The following EPHA6 variants were observed in gnomAD, a reference collection of about 807,000 sequenced individuals.
EPHA6 encodes the protein EPH receptor A6.
In EPHA6, 50 loss-of-function variants were observed where a neutral mutation model predicts 112.0. That is an observed-to-expected ratio of 0.45 (90% CI 0.36 to 0.56). The LOEUF is 0.56. Ranked by LOEUF, EPHA6 falls within the 20% of genes least tolerant of loss-of-function variation. EPHA6 has a pLI of 0.00. For synonymous variants in EPHA6, 529 were observed against 490.7 expected, an observed-to-expected ratio of 1.08 and a Z score of -1.03; for missense variants, 1,280 against 1,417.4, an observed-to-expected ratio of 0.90 and a Z score of 1.56.
intron 3 of EPHA6, among the ~76,000 whole-genome samples, chr3:97,014,401 C>T (rs1559669354): frequency 1.3e-5 from 2 of 151,080 alleles, no homozygotes; most frequent in Non-Finnish European, 3.0e-5. Context: ...TCCTCTCTCC[C>T]TTCACCTCCT....
At position 96,871,199 on chromosome 3, in the gene EPHA6, A is replaced by G. The variant is rs139059801; in HGVS notation, c.450+4310A>G. ...TAGGTTTTGTTAATTAATCAATTCT[A>G]TCAGTGTACATTTCTTTAATATCCA... On this transcript the variant is annotated intron_variant, in intron 2 of 17. Coordinates refer to ENST00000389672, the MANE Select transcript of EPHA6 (RefSeq NM_001080448.3). Among the ~76,000 whole-genome samples the G allele has an allele frequency of 1.1e-3, 174 of 152,126 alleles. 1 individual carries two copies. Among genetic ancestry groups the G allele is most frequent in the African/African-American group, 4.0e-3 (166 of 41,546 alleles).
At chr3:96,865,939 G>A (rs967314636) in intron 1 of EPHA6, among the ~76,000 whole-genome samples, 5 of 151,696 alleles carry the variant, frequency 3.3e-5, no homozygotes, top group African/African-American at 1.2e-4. Context: ...TTTCCCAATC[G>A]TTTCTATCAT....
At chr3:97,323,067 T>A (rs374074801) in intron 5 of EPHA6, among the ~76,000 whole-genome samples, 2 of 152,084 alleles carry the variant, frequency 1.3e-5, no homozygotes, top group South Asian at 4.1e-4. Context: ...TTAAGAAAAA[T>A]CTGTGTATCT....
chr3:97,711,479 G>T (rs781542294), intron 14 of EPHA6, among the ~76,000 whole-genome samples: 1 of 151,890 alleles, frequency 6.6e-6, no homozygotes. Flanking sequence ...CCCAGGATAC[G>T]CCATCTGCAA....
chr3:97,616,334 C>G (rs2093765832), intron 13 of EPHA6, among the ~76,000 whole-genome samples: 1 of 152,150 alleles, frequency 6.6e-6, no homozygotes, highest in Non-Finnish European at 1.5e-5. Flanking sequence ...AGAATCAGTG[C>G]AAGAACACTG....
At chr3:97,698,410 G>GT (rs80242209) in intron 14 of EPHA6, among the ~76,000 whole-genome samples, 2,732 of 144,662 alleles carry the variant, frequency 0.019, 62 homozygotes, top group African/African-American at 0.057. Flanking sequence ...TGAATTAAAG[G>GT]TTTTTTTTTT....
intron 14 of EPHA6, among the ~76,000 whole-genome samples, chr3:97,708,496 G>A (rs1023887556): frequency 6.6e-6 from 1 of 152,236 alleles, no homozygotes; most frequent in Non-Finnish European, 1.5e-5. Context: ...GAAGCAGAGT[G>A]TAAAAGTTTG....
At chr3:96,939,893 T>A (rs915800143) in intron 2 of EPHA6, among the ~76,000 whole-genome samples, 1 of 152,210 alleles carries the variant, frequency 6.6e-6, no homozygotes, top group Admixed American at 6.5e-5. Flanking sequence ...GTTGTTCAGT[T>A]TCCATGTAGT....
chr3:97,458,786 C>G lies in EPHA6; in HGVS notation c.1894+10056C>G, dbSNP rs562540087. Among the ~76,000 whole-genome samples, 3 of 152,120 alleles carry G rather than the reference C, an allele frequency of 2.0e-5. No individual in the cohort carries two copies. The South Asian group carries it at 6.2e-4, about 32-fold the overall frequency. ...AGGAAGCAGTAAAAGCTAAAGCAAGCAGAAGAATGTTTAATTGTTCAACTT... is the reference window on the plus strand; with the variant it reads ...AGGAAGCAGTAAAAGCTAAAGCAAGGAGAAGAATGTTTAATTGTTCAACTT... On this transcript the variant is annotated intron_variant, in intron 7 of 17. Coordinates refer to ENST00000389672, the MANE Select transcript of EPHA6 (RefSeq NM_001080448.3).
intron 11 of EPHA6, among the ~76,000 whole-genome samples, chr3:97,538,026 A>T (rs1199747871): frequency 6.6e-6 from 1 of 152,204 alleles, no homozygotes; most frequent in Non-Finnish European, 1.5e-5. Flanking sequence ...GTGTGATAGA[A>T]GAGTATTCTA....
chr3:97,724,086 T>C (rs958175293), intron 15 of EPHA6, among the ~76,000 whole-genome samples: 1 of 152,216 alleles, frequency 6.6e-6, no homozygotes, highest in Non-Finnish European at 1.5e-5. Flanking sequence ...GAATATTTTA[T>C]ATTTTTACTA....
At chr3:97,104,742 G>C (rs114148165) in intron 3 of EPHA6, among the ~76,000 whole-genome samples, 1 of 152,064 alleles carries the variant, frequency 6.6e-6, no homozygotes, top group Non-Finnish European at 1.5e-5. Flanking sequence ...TGTACATCAG[G>C]TAGAATCCAG....
chr3:97,447,688 G>A (rs538310359), intron 6 of EPHA6: 1 of 824,192 alleles, frequency 1.2e-6, no homozygotes, highest in Non-Finnish European at 1.5e-6. Flanking sequence ...GTGGGCAAGA[G>A]AGACCATGTA....
intron 3 of EPHA6, among the ~76,000 whole-genome samples, chr3:97,056,007 G>A (rs1417637370): frequency 6.6e-6 from 1 of 150,614 alleles, no homozygotes; most frequent in African/African-American, 2.5e-5. Flanking sequence ...CTATACTTAT[G>A]ATTTGCCTAA....
intron 12 of EPHA6, among the ~76,000 whole-genome samples, chr3:97,595,808 G>C (rs2093583967): frequency 6.6e-6 from 1 of 151,254 alleles, no homozygotes; most frequent in Non-Finnish European, 1.5e-5. Context: ...TTAAAGGAAA[G>C]TCTTCCTCCA....
At chr3:97,562,836 A>C (rs1428522263) in intron 11 of EPHA6, among the ~76,000 whole-genome samples, 5 of 152,284 alleles carry the variant, frequency 3.3e-5, no homozygotes, top group African/African-American at 7.2e-5. Flanking sequence ...GTTCGGATAC[A>C]TCAGCAGCCA....
intron 3 of EPHA6, among the ~76,000 whole-genome samples, chr3:97,142,299 A>G (rs753704730): frequency 7.2e-5 from 11 of 152,036 alleles, no homozygotes; most frequent in African/African-American, 2.2e-4. Context: ...AAAAATCTGT[A>G]AGATTTGCTT....
intron 2 of EPHA6, among the ~76,000 whole-genome samples, chr3:96,974,828 A>T (rs745591043): frequency 6.6e-6 from 1 of 152,174 alleles, no homozygotes; most frequent in Non-Finnish European, 1.5e-5. Context: ...GATCCATATA[A>T]CAATTTATTC....
intron 7 of EPHA6, among the ~76,000 whole-genome samples, chr3:97,468,915 G>A (rs908692812): frequency 1.3e-5 from 2 of 151,618 alleles, no homozygotes; most frequent in African/African-American, 2.4e-5. Context: ...GTAGAGATGA[G>A]TCAAAAAACT....
Sources: gnomAD v4.1 joint callset for allele counts (sites outside exome capture counted in the v4.1 genomes callset) on GRCh38, gnomAD v4.1.1 for gene constraint, MANE v1.5 for transcripts, NCBI Gene and HGNC (gene_info 2026-07-23, HGNC 2026-07-21) for gene names.